CHSY1: variants seen among roughly 807,000 people sequenced by gnomAD.
CHSY1 encodes N-acetylgalactosaminyl-proteoglycan 3-beta-glucuronosyltransferase 1.
In CHSY1, 13 loss-of-function variants were observed where a neutral mutation model predicts 59.8. The observed-to-expected ratio is 0.22, with a 90% CI of 0.14 to 0.35. The LOEUF (loss-of-function observed/expected upper bound fraction) is 0.35, where lower values mean the gene tolerates loss of function less well. Among genes scored for constraint, CHSY1 ranks in the 10% least tolerant of loss-of-function variants. The pLI is 1.00. For synonymous variants in CHSY1, 459 were observed against 401.2 expected, an observed-to-expected ratio of 1.14 and a Z score of -1.72; for missense variants, 947 against 1,030.6, an observed-to-expected ratio of 0.92 and a Z score of 1.11.
At chr15:101,251,084 C>G (rs957623935) in intron 1 of CHSY1, 53 bp downstream of exon 1, 5 of 1,503,688 alleles carry the variant, frequency 3.3e-6, no homozygotes, top group East Asian at 2.6e-5. Context: ...CCCGGGATGC[C>G]GGCCGCCGGG....
intron 2 of CHSY1, among the ~76,000 whole-genome samples, chr15:101,197,850 A>T (rs1297935132): frequency 3.9e-5 from 6 of 152,178 alleles, no homozygotes; most frequent in Admixed American, 2.0e-4. Context: ...TTTCTTAAAC[A>T]TCTGACCTTG....
chr15:101,248,042 TTTTG>T (rs1408213859), intron 1 of CHSY1, among the ~76,000 whole-genome samples: 1 of 151,694 alleles, frequency 6.6e-6, no homozygotes, highest in Non-Finnish European at 1.5e-5. Context: ...ACAGTTGTTT[TTTTG>T]TTTTTTTTAA....
chr15:101,186,165 A>G (rs551533376), intron 2 of CHSY1, among the ~76,000 whole-genome samples: 4,368 of 150,036 alleles, frequency 0.029, 197 homozygotes, highest in African/African-American at 0.1. Flanking sequence ...AAAAAAAAAA[A>G]AAAAAATAGC....
chr15:101,238,147 A>C (rs1384228556), intron 1 of CHSY1, among the ~76,000 whole-genome samples: 1 of 152,128 alleles, frequency 6.6e-6, no homozygotes, highest in Non-Finnish European at 1.5e-5. Flanking sequence ...TTTTTTTTAA[A>C]AAAAATTGTG....
At chr15:101,196,594 C>T (rs1012475175) in intron 2 of CHSY1, among the ~76,000 whole-genome samples, 3 of 152,212 alleles carry the variant, frequency 2.0e-5, no homozygotes, top group Admixed American at 2.0e-4. Context: ...GATTACACCC[C>T]GAGATCCATG....
intron 1 of CHSY1, among the ~76,000 whole-genome samples, chr15:101,239,801 T>C (rs1387384514): frequency 6.6e-6 from 1 of 152,168 alleles, no homozygotes; most frequent in Non-Finnish European, 1.5e-5. Flanking sequence ...AACTGCAAAT[T>C]TCACGAGCAT....
At chr15:101,194,093 C>T (rs74700520) in intron 2 of CHSY1, among the ~76,000 whole-genome samples, 7 of 152,348 alleles carry the variant, frequency 4.6e-5, no homozygotes, top group East Asian at 1.9e-4. Flanking sequence ...GAAAGTGACT[C>T]GAAAGCTTCA....
chr15:101,192,588 C>T (rs1044194627), intron 2 of CHSY1, among the ~76,000 whole-genome samples: 3 of 151,870 alleles, frequency 2.0e-5, no homozygotes, highest in Non-Finnish European at 4.4e-5. Context: ...TCAATATCTT[C>T]AGAAATACGA....
intron 1 of CHSY1, among the ~76,000 whole-genome samples, chr15:101,244,547 A>T (rs960276748): frequency 3.9e-5 from 6 of 152,212 alleles, no homozygotes; most frequent in Admixed American, 1.3e-4. Flanking sequence ...ATTACAAAAT[A>T]ACTGCTTACT....
intron 2 of CHSY1, among the ~76,000 whole-genome samples, chr15:101,186,147 CAAAA>C (rs35398576): frequency 5.0e-5 from 4 of 79,592 alleles, no homozygotes; most frequent in Non-Finnish European, 7.5e-5. Context: ...TTGTCTCTAC[CAAAA>C]AAAAAAAAAA....
At chr15:101,227,058 T>G (rs2038848270) in intron 2 of CHSY1, among the ~76,000 whole-genome samples, 1 of 152,124 alleles carries the variant, frequency 6.6e-6, no homozygotes, top group African/African-American at 2.4e-5. Context: ...CTCTGGATAT[T>G]AAAGATTTGC....
At chr15:101,245,377 G>T (rs2039040336) in intron 1 of CHSY1, among the ~76,000 whole-genome samples, 1 of 81,778 alleles carries the variant, frequency 1.2e-5, no homozygotes, top group South Asian at 3.2e-4. Flanking sequence ...GTAAAAAAAG[G>T]GTGGGAGTGT....
chr15:101,210,746 G>A (rs376122387), intron 2 of CHSY1, among the ~76,000 whole-genome samples: 1 of 152,126 alleles, frequency 6.6e-6, no homozygotes, highest in Non-Finnish European at 1.5e-5. Context: ...ATCCTCACTG[G>A]AGGACAGTAA....
At chr15:101,228,527 T>C (rs1475784784) in intron 2 of CHSY1, among the ~76,000 whole-genome samples, 1 of 151,876 alleles carries the variant, frequency 6.6e-6, no homozygotes, top group Non-Finnish European at 1.5e-5. Flanking sequence ...TGATTTCTTA[T>C]CAGAAACCAT....
At chr15:101,243,637 C>T (rs1044418848) in intron 1 of CHSY1, among the ~76,000 whole-genome samples, 1 of 152,206 alleles carries the variant, frequency 6.6e-6, no homozygotes, top group Non-Finnish European at 1.5e-5. Context: ...AAACAGTCAT[C>T]GTGGATAAGG....
In CHSY1 at chr15:101,178,367, A is replaced by C; in HGVS notation, c.1430T>G (p.Phe477Cys). The C allele has an allele frequency of 6.2e-7, 1 of 1,608,498 alleles. No homozygotes were observed. Among genetic ancestry groups the C allele is most frequent in the South Asian group, 1.1e-5 (1 of 90,986 alleles). Residue 477 changes from phenylalanine (F) to cysteine (C), a missense_variant, in exon 3 of 3, where the codon TTC becomes TGC. Coordinates refer to ENST00000254190, the MANE Select transcript of CHSY1 (RefSeq NM_014918.5). The stretch of plus-strand genomic sequence containing the variant: ...ATGCTCCACAAACTGGATTTTGCTG[A>C]AAGTCTGCTGTAAATACGCGTGCCT... Reference protein sequence around the residue: ...VRRHAYLQQTFSKIQFVEHEE... With the variant: ...VRRHAYLQQTCSKIQFVEHEE...
chr15:101,220,228 C>CA (rs1390830529), intron 2 of CHSY1, among the ~76,000 whole-genome samples: 1 of 152,154 alleles, frequency 6.6e-6, no homozygotes, highest in Non-Finnish European at 1.5e-5. Flanking sequence ...CCTCCCTGCT[C>CA]AGTCTCCTCA....
chr15:101,230,835 T>C (rs1478173561), intron 2 of CHSY1, among the ~76,000 whole-genome samples: 1 of 152,210 alleles, frequency 6.6e-6, no homozygotes, highest in African/African-American at 2.4e-5. Context: ...CATATGGTCT[T>C]TGTCTCCTCA....
chr15:101,250,171 C>T (rs2039092176), intron 1 of CHSY1, among the ~76,000 whole-genome samples: 1 of 152,216 alleles, frequency 6.6e-6, no homozygotes, highest in Non-Finnish European at 1.5e-5. Context: ...ATTTCATTAC[C>T]AGACAACTGA....
Sources: allele counts gnomAD v4.1 joint callset (sites outside exome capture counted in the v4.1 genomes callset), GRCh38; gene constraint gnomAD v4.1.1; transcripts MANE v1.5; gene names NCBI Gene and HGNC (gene_info 2026-07-23, HGNC 2026-07-21).